Variants in EEFSEC observed in about 807,000 individuals in gnomAD.
EEFSEC encodes the protein eukaryotic elongation factor, selenocysteine-tRNA specific.
EEFSEC carries 43 observed loss-of-function variants against 42.1 expected under a neutral mutation model. That is an observed-to-expected ratio of 1.02 (90% confidence interval 0.80 to 1.32). The LOEUF is 1.32. Among genes scored for constraint, EEFSEC ranks in the 40% most tolerant of loss-of-function variants. The pLI is 0.00. For missense variants in EEFSEC, 745 were observed against 803.6 expected (o/e 0.93, Z 0.88); for synonymous variants, 354 against 339.1 (o/e 1.04, Z -0.48).
chr3:128,217,506 A>G (rs371574605), intron 1 of EEFSEC, among the ~76,000 whole-genome samples: 2 of 152,196 alleles, frequency 1.3e-5, no homozygotes, highest in African/African-American at 4.8e-5. Flanking sequence ...GAAGGGCTTA[A>G]GGACCCGTGA....
intron 4 of EEFSEC, among the ~76,000 whole-genome samples, chr3:128,266,092 T>C (rs1346653645): frequency 6.6e-6 from 1 of 152,064 alleles, no homozygotes; most frequent in Non-Finnish European, 1.5e-5. Flanking sequence ...TCTGAGGAGG[T>C]TAATCCTTTT....
At chr3:128,345,084 C>T (rs2067297376) in intron 5 of EEFSEC, among the ~76,000 whole-genome samples, 1 of 152,156 alleles carries the variant, frequency 6.6e-6, no homozygotes, top group South Asian at 2.1e-4. Context: ...CCCAGCCTTA[C>T]CACCTGCTAG....
rs923944600 is a variant in EEFSEC, at chr3:128,279,803, G to T, written c.786+15022G>T. Among the ~76,000 whole-genome samples the T allele has an allele frequency of 2.6e-5, 4 of 152,222 alleles. No homozygotes were observed. The East Asian group carries it at 7.7e-4, about 29-fold the overall frequency. On this transcript the variant is annotated intron_variant, in intron 4 of 6. Coordinates refer to ENST00000254730, the MANE Select transcript of EEFSEC (RefSeq NM_021937.5). The stretch of plus-strand genomic sequence containing the variant: ...AGCCTGCCCCTGACTGGCTTCCTGG[G>T]GGGACTAATTCCTATGCCAGCCTTC...
At chr3:128,282,076 T>C (rs984052137) in intron 4 of EEFSEC, among the ~76,000 whole-genome samples, 2 of 152,220 alleles carry the variant, frequency 1.3e-5, no homozygotes, top group African/African-American at 4.8e-5. Context: ...CACGTGCCCT[T>C]ACAGTTACCT....
chr3:128,288,774 G>T (rs1033488626), intron 4 of EEFSEC, among the ~76,000 whole-genome samples: 1 of 152,206 alleles, frequency 6.6e-6, no homozygotes, highest in African/African-American at 2.4e-5. Flanking sequence ...GAATAACTTG[G>T]ATGCCAGAAC....
chr3:128,351,112 G>A (rs2067379837), intron 5 of EEFSEC, among the ~76,000 whole-genome samples: 1 of 152,132 alleles, frequency 6.6e-6, no homozygotes. Context: ...TTGCTGGTGG[G>A]GTGGGTAAGA....
intron 6 of EEFSEC, chr3:128,362,255 A>G (rs376456163): frequency 1.6e-4 from 85 of 518,424 alleles, no homozygotes; most frequent in African/African-American, 1.6e-3. Context: ...GGGTGGGACA[A>G]CAGCTTCCGC....
intron 4 of EEFSEC, among the ~76,000 whole-genome samples, chr3:128,268,962 C>G (rs1376971536): frequency 6.6e-6 from 1 of 152,176 alleles, no homozygotes; most frequent in Non-Finnish European, 1.5e-5. Context: ...TCAGAAAAAG[C>G]CTTAAGTTCT....
chr3:128,392,174 G>A (rs2067921320), intron 6 of EEFSEC, among the ~76,000 whole-genome samples: 1 of 152,198 alleles, frequency 6.6e-6, no homozygotes, highest in Non-Finnish European at 1.5e-5. Context: ...TCTGAGCCAG[G>A]GCATGCGGGA....
chr3:128,182,683 G>A (rs536240022), intron 1 of EEFSEC, among the ~76,000 whole-genome samples: 1 of 152,324 alleles, frequency 6.6e-6, no homozygotes, highest in East Asian at 1.9e-4. Flanking sequence ...GTGTGTACAT[G>A]TCACAGGGTC....
intron 1 of EEFSEC, among the ~76,000 whole-genome samples, chr3:128,225,401 T>G (rs2065898645): frequency 6.6e-6 from 1 of 152,198 alleles, no homozygotes; most frequent in Non-Finnish European, 1.5e-5. Context: ...TACAGGGAGT[T>G]CTGAAGGTTA....
At chr3:128,304,455 C>T (rs907880398) in intron 4 of EEFSEC, among the ~76,000 whole-genome samples, 2 of 151,922 alleles carry the variant, frequency 1.3e-5, no homozygotes, top group Non-Finnish European at 2.9e-5. Flanking sequence ...TTTAGAATAG[C>T]TGTTGATTTT....
intron 1 of EEFSEC, among the ~76,000 whole-genome samples, chr3:128,233,055 C>CA (rs1407009732): frequency 1.3e-5 from 2 of 152,214 alleles, no homozygotes; most frequent in Non-Finnish European, 1.5e-5. Context: ...CCTGGCGCAT[C>CA]ATTAATGCTC....
At position 128,297,885 on chromosome 3, in the gene EEFSEC, A is replaced by G. The variant is rs554147345; in HGVS notation, c.786+33104A>G. The stretch of plus-strand genomic sequence containing the variant: ...GAAATAGTCCATTGGCTCCTGGCCA[A>G]TCCTGCTGACTTCTCCAAGTACTTC... On this transcript the variant is annotated intron_variant, in intron 4 of 6. Transcript: ENST00000254730. Among the ~76,000 whole-genome samples the G allele has an allele frequency of 2.0e-5, 3 of 152,308 alleles. No individual in the cohort carries two copies. The South Asian group carries it at 6.2e-4, about 32-fold the overall frequency.
chr3:128,187,049 A>C (rs902802644), intron 1 of EEFSEC, among the ~76,000 whole-genome samples: 3 of 152,214 alleles, frequency 2.0e-5, no homozygotes, highest in Non-Finnish European at 4.4e-5. Context: ...ATGCCATTAC[A>C]TTTCAAACTT....
chr3:128,196,508 A>G (rs1019430062), intron 1 of EEFSEC, among the ~76,000 whole-genome samples: 1 of 152,248 alleles, frequency 6.6e-6, no homozygotes, highest in African/African-American at 2.4e-5. Flanking sequence ...GGAAGAAAAT[A>G]ATAATCATCT....
At chr3:128,167,163 C>T (rs909933903) in intron 1 of EEFSEC, among the ~76,000 whole-genome samples, 4 of 152,148 alleles carry the variant, frequency 2.6e-5, no homozygotes, top group Admixed American at 6.5e-5. Context: ...CCACCCTCCT[C>T]AGGCTAGATT....
intron 6 of EEFSEC, among the ~76,000 whole-genome samples, chr3:128,358,956 C>T (rs2067492058): frequency 6.6e-6 from 1 of 152,226 alleles, no homozygotes; most frequent in Non-Finnish European, 1.5e-5. Flanking sequence ...TCAGCCTACA[C>T]TGCATCATGT....
chr3:128,363,480 G>T (rs2067553687), intron 6 of EEFSEC, among the ~76,000 whole-genome samples: 1 of 152,242 alleles, frequency 6.6e-6, no homozygotes, highest in Admixed American at 6.5e-5. Flanking sequence ...AGGGTATGCG[G>T]GAGAAGGGAA....
Sources: allele counts gnomAD v4.1 joint callset (sites outside exome capture counted in the v4.1 genomes callset), GRCh38; gene constraint gnomAD v4.1.1; transcripts MANE v1.5; gene names NCBI Gene and HGNC (gene_info 2026-07-23, HGNC 2026-07-21).